CPVL: variants seen among roughly 807,000 people sequenced by gnomAD.
The protein encoded by CPVL is carboxypeptidase vitellogenic like.
CPVL carries 51 observed loss-of-function variants against 63.7 expected under a neutral mutation model. The ratio of observed to expected loss-of-function variants is 0.80; its 90% CI spans 0.64 to 1.01. The LOEUF (loss-of-function observed/expected upper bound fraction) is 1.01, where lower values mean the gene tolerates loss of function less well. Among genes scored for constraint, CPVL ranks in the 50% least tolerant of loss-of-function variants. The probability of loss-of-function intolerance (pLI) is 0.00; values close to 1 mark genes in which losing one functional copy is unlikely to be tolerated. For synonymous variants in CPVL, 195 were observed against 206.0 expected (o/e 0.95, Z 0.46); for missense variants, 530 against 573.1 (o/e 0.92, Z 0.77).
chr7:29,046,424 G>A (rs1789619970), intron 11 of CPVL, among the ~76,000 whole-genome samples: 1 of 152,032 alleles, frequency 6.6e-6, no homozygotes, highest in Admixed American at 6.6e-5. Flanking sequence ...CCTACCCAAA[G>A]GCAACTTAAC....
intron 4 of CPVL, among the ~76,000 whole-genome samples, chr7:29,182,974 C>A (rs1435668799): frequency 6.6e-6 from 1 of 151,846 alleles, no homozygotes; most frequent in Admixed American, 6.6e-5. Flanking sequence ...AGGAAAGATT[C>A]TTGGGTTAAA....
chr7:29,145,817 T>C (rs1293715298), intron 1 of CPVL: 1 of 152,162 alleles, frequency 6.6e-6, no homozygotes, highest in Admixed American at 6.5e-5. Flanking sequence ...AATCCACAAA[T>C]ATTCCAAAGT....
chr7:29,126,616 AC>A (rs1159514101), intron 1 of CPVL: 1 of 152,350 alleles, frequency 6.6e-6, no homozygotes, highest in East Asian at 1.9e-4. Flanking sequence ...GGACAAACAA[AC>A]AAAGAGCAGG....
intron 1 of CPVL, among the ~76,000 whole-genome samples, chr7:29,188,849 A>T (rs912794277): frequency 6.6e-6 from 1 of 151,988 alleles, no homozygotes; most frequent in Admixed American, 6.6e-5. Flanking sequence ...TTCTATAGCT[A>T]TTTTAAAAAT....
chr7:29,195,235 G>A lies in CPVL; in HGVS notation c.-606C>T, dbSNP rs1783528654. The A allele has an allele frequency of 5.5e-5, 24 of 437,912 alleles. No individual in the cohort carries two copies. In the East Asian group the frequency reaches 9.0e-4, roughly 16 times the overall value. The allele number at this position is 437,912 out of a possible 1,614,324, so 27.1% of individuals were successfully genotyped here. The stretch of plus-strand genomic sequence containing the variant: ...GTGCCCTTAGTGTGCGGACGCGGGT[G>A]TTCCGGGGCTTGGAGTGCAGCGAGC... On this transcript the variant is annotated 5_prime_UTR_variant, in exon 1 of 17. Coordinates refer to the CPVL transcript ENST00000409850.
At chr7:29,181,739 T>C (rs992469656) in intron 4 of CPVL, among the ~76,000 whole-genome samples, 1 of 152,212 alleles carries the variant, frequency 6.6e-6, no homozygotes, top group Non-Finnish European at 1.5e-5. Context: ...ACTAATGATC[T>C]TAACATTCCA....
At chr7:29,007,170 G>C in intron 12 of CPVL, among the ~76,000 whole-genome samples, 1 of 152,132 alleles carries the variant, frequency 6.6e-6, no homozygotes, top group East Asian at 1.9e-4. Flanking sequence ...AGAAAGTTAC[G>C]CATTGTTGCC....
intron 4 of CPVL, among the ~76,000 whole-genome samples, chr7:29,181,952 A>G (rs183413957): frequency 6.6e-6 from 1 of 152,224 alleles, no homozygotes; most frequent in Non-Finnish European, 1.5e-5. Context: ...TGCCTCTAAC[A>G]TATCTACAGT....
chr7:29,160,578 T>C (rs1795040499), intron 5 of CPVL, among the ~76,000 whole-genome samples: 1 of 152,072 alleles, frequency 6.6e-6, no homozygotes, highest in South Asian at 2.1e-4. Context: ...TTGGGAAAGA[T>C]TTTTCTCCCT....
At chr7:29,192,035 A>G (rs1387967192) in intron 1 of CPVL, 3 of 152,220 alleles carry the variant, frequency 2.0e-5, no homozygotes, top group African/African-American at 7.2e-5. Context: ...AATCCAGATG[A>G]TCAATCAACT....
intron 11 of CPVL, among the ~76,000 whole-genome samples, chr7:29,056,374 C>T (rs1311310743): frequency 6.6e-6 from 1 of 152,176 alleles, no homozygotes; most frequent in Non-Finnish European, 1.5e-5. Flanking sequence ...CTCCTGGCAA[C>T]CACTGATCTT....
chr7:29,169,487 A>T lies in CPVL; in HGVS notation c.-11+11803T>A, dbSNP rs185235501. ...GTTTATATACAATAATGTTATGTTA[A>T]AAATAAATACAACTGTTTTGTTATT... On this transcript the variant is annotated intron_variant, in intron 5 of 16. Transcript: ENST00000409850. Among the ~76,000 whole-genome samples the T allele has an allele frequency of 1.5e-4, 23 of 152,314 alleles. No individual in the cohort carries two copies. In the East Asian group the frequency reaches 4.4e-3, roughly 29 times the overall value.
At chr7:29,092,837 C>T (rs989953424) in intron 5 of CPVL, 135 bp from the exon 6 acceptor site, 2 of 679,416 alleles carry the variant, frequency 2.9e-6, no homozygotes, top group Non-Finnish European at 5.3e-6. Context: ...CGTTGCCCCC[C>T]TATGCCTTTA....
At chr7:29,185,327 ACC>A (rs1798579244) in intron 3 of CPVL, among the ~76,000 whole-genome samples, 1 of 152,224 alleles carries the variant, frequency 6.6e-6, no homozygotes, top group Admixed American at 6.5e-5. Context: ...CATAACATGG[ACC>A]AAAATTTGAA....
chr7:29,140,347 C>T (rs1195201900), intron 1 of CPVL, among the ~76,000 whole-genome samples: 1 of 152,210 alleles, frequency 6.6e-6, no homozygotes. Flanking sequence ...TTTAACAGAA[C>T]TCAACTCTTC....
chr7:29,095,295 C>G (rs930982787), intron 4 of CPVL, among the ~76,000 whole-genome samples, 153 bp from the exon 5 acceptor site: 1 of 152,130 alleles, frequency 6.6e-6, no homozygotes, highest in Admixed American at 6.5e-5. Context: ...GGGGAACAGG[C>G]ACCTGCACCT....
At chr7:29,038,091 C>T (rs1788727074) in intron 11 of CPVL, among the ~76,000 whole-genome samples, 1 of 152,186 alleles carries the variant, frequency 6.6e-6, no homozygotes, top group African/African-American at 2.4e-5. Flanking sequence ...GTGAGGCTTG[C>T]ATTCAGCATG....
At chr7:29,143,824 C>T (rs745642016) in intron 1 of CPVL, among the ~76,000 whole-genome samples, 5 of 152,192 alleles carry the variant, frequency 3.3e-5, no homozygotes, top group Non-Finnish European at 7.3e-5. Flanking sequence ...ACTACCACCA[C>T]CCTGTCCTGC....
rs565160836 is a variant in CPVL at position 28,999,548 on chromosome 7, G to A, written c.1321-3666C>T. 6.6e-5 allele frequency among the ~76,000 whole-genome samples: 10 copies of A among 152,226 alleles called. No individual in the cohort carries two copies. The South Asian group carries it at 1.9e-3, about 28-fold the overall frequency. On this transcript the variant is annotated intron_variant, in intron 12 of 12. Coordinates refer to ENST00000265394, the MANE Select transcript of CPVL (RefSeq NM_031311.5). ...TCATGACCTCACTTCCTGGGTATCC[G>A]CTCTCCTGGTATTTACTCACGCACA...
Sources: allele counts gnomAD v4.1 joint callset (sites outside exome capture counted in the v4.1 genomes callset), GRCh38; gene constraint gnomAD v4.1.1; transcripts MANE v1.5; gene names NCBI Gene and HGNC (gene_info 2026-07-23, HGNC 2026-07-21).